The following SPATA6 variants were observed in gnomAD, a reference collection of about 807,000 sequenced individuals.
SPATA6 encodes the protein spermatogenesis associated 6, also known as spermatogenesis-associated protein 6.
Under a neutral mutation model 65.3 loss-of-function variants are expected in SPATA6, and 56 were observed. The ratio of observed to expected loss-of-function variants is 0.86; its 90% CI spans 0.69 to 1.07. The LOEUF (loss-of-function observed/expected upper bound fraction) is 1.07. SPATA6 is among the 50% of genes least tolerant of loss of function. SPATA6 has a pLI of 0.00. For synonymous variants in SPATA6, 199 were observed against 213.2 expected (o/e 0.93, Z 0.58); for missense variants, 590 against 594.8 (o/e 0.99, Z 0.08).
chr1:48,436,951 C>A, intron 3 of SPATA6: 1 of 1,612,858 alleles, frequency 6.2e-7, no homozygotes, highest in East Asian at 2.2e-5. Context: ...AAATAGTGAC[C>A]GATTACACAC....
rs554991779 is a variant in SPATA6 at position 48,445,616 on chromosome 1, C to T, written c.238+5936G>A. Reference sequence around the variant, plus strand: ...CGGAGCTTGCAGTGAGCCGAGATCACGCCGCTGCACTCCAGACTGGGAGAG... The same window carrying T: ...CGGAGCTTGCAGTGAGCCGAGATCATGCCGCTGCACTCCAGACTGGGAGAG... On this transcript the variant is annotated intron_variant, in intron 3 of 12. Coordinates refer to ENST00000371847, the MANE Select transcript of SPATA6 (RefSeq NM_019073.4). Among the ~76,000 whole-genome samples, 33 of 140,576 alleles carry T rather than the reference C, an allele frequency of 2.3e-4. No homozygotes were observed. The South Asian group carries it at 3.1e-3, about 13-fold the overall frequency. The allele number at this position is 140,576 out of a possible 152,430, so 92.2% of individuals were successfully genotyped here. A position where few individuals can be genotyped will look rare whatever the true frequency, so the allele number is the denominator to read the frequency against.
At chr1:48,445,737 T>TATG (rs1292688611) in intron 3 of SPATA6, among the ~76,000 whole-genome samples, 52 of 146,772 alleles carry the variant, frequency 3.5e-4, no homozygotes, top group Non-Finnish European at 6.5e-4. Flanking sequence ...GTACATAGGC[T>TATG]ATGCCAACAG....
intron 3 of SPATA6, among the ~76,000 whole-genome samples, chr1:48,433,978 C>T (rs1375148813): frequency 1.3e-5 from 2 of 152,114 alleles, no homozygotes; most frequent in African/African-American, 2.4e-5. Flanking sequence ...CAGTAACATA[C>T]TGCAATATAA....
At chr1:48,372,023 A>G (rs1297398339) in intron 9 of SPATA6, among the ~76,000 whole-genome samples, 1 of 152,172 alleles carries the variant, frequency 6.6e-6, no homozygotes, top group East Asian at 1.9e-4. Context: ...ATTCAAGTTA[A>G]GATTTGGATG....
At chr1:48,266,989 T>C in the SPATA6 span, among the ~76,000 whole-genome samples, 1 of 152,140 alleles carries the variant, frequency 6.6e-6, no homozygotes, top group African/African-American at 2.4e-5. Context: ...ATATTTTCTT[T>C]AACCACAGAA....
rs756100267 is a variant in SPATA6 at position 48,359,607 on chromosome 1, T to C, written c.1073A>G (p.Asn358Ser). The change falls in exon 10 of 13, where the codon AAT becomes AGT. Residue 358 changes from asparagine (N) to serine (S), a missense_variant. By Grantham distance (46) the Asn-to-Ser change is conservative. Transcript: ENST00000371847. ...TTACCTTTCCCTGAGAGAAGCTCTA[T>C]TTAACACAGGGCTTGGAGAATGCTT... ...MPKHSPSPVLNRASLRERFHS... is the reference protein window; with the variant it reads ...MPKHSPSPVLSRASLRERFHS... 6.2e-7 allele frequency: 1 copy of C among 1,613,280 alleles called. No homozygotes were observed. The highest frequency in any genetic ancestry group is 8.5e-7 in the Non-Finnish European group (1 of 1,179,424).
At chr1:48,343,470 G>A (rs780533562) in intron 11 of SPATA6, among the ~76,000 whole-genome samples, 3 of 152,138 alleles carry the variant, frequency 2.0e-5, no homozygotes, top group Non-Finnish European at 4.4e-5. Flanking sequence ...AGGAGTAGAA[G>A]GACAGATAAG....
intron 3 of SPATA6, among the ~76,000 whole-genome samples, chr1:48,421,045 A>G (rs778287982): frequency 9.2e-5 from 14 of 152,156 alleles, no homozygotes; most frequent in Admixed American, 4.6e-4. Context: ...GGGTAGGTTA[A>G]GAGGAAGAGA....
chr1:48,323,424 G>C (rs1423083545), intron 11 of SPATA6, among the ~76,000 whole-genome samples: 1 of 151,730 alleles, frequency 6.6e-6, no homozygotes, highest in Non-Finnish European at 1.5e-5. Flanking sequence ...GTCGAGGGGT[G>C]GGGGGCTGGG....
At chr1:48,363,149 A>G (rs781631952) in intron 9 of SPATA6, among the ~76,000 whole-genome samples, 28 of 152,170 alleles carry the variant, frequency 1.8e-4, no homozygotes, top group Non-Finnish European at 2.8e-4. Flanking sequence ...TATGTTTTGT[A>G]AAGTCTTTTA....
rs763031568 is a variant in SPATA6 at position 48,395,323 on chromosome 1, A to G, written c.812T>C (p.Leu271Ser). The change falls in exon 8 of 13, where the codon TTA becomes TCA. Residue 271 changes from leucine (L) to serine (S), a missense_variant. By Grantham distance (145) the Leu-to-Ser change is moderately radical. Transcript: ENST00000371847. ...ACAGTCTCTTCCAGAAGATCCCAAT[A>G]AAGTATCAGCCCTGGGACTTGGGGG... is the stretch of plus-strand genomic sequence containing the variant. Reference protein sequence around the residue: ...VDPPSPRADTLLGSSGRDCER... With the variant: ...VDPPSPRADTSLGSSGRDCER... 2.5e-6 allele frequency: 4 copies of G among 1,569,548 alleles called. No homozygotes were observed. The highest frequency in any genetic ancestry group is 3.5e-6 in the Non-Finnish European group (4 of 1,155,456).
intron 5 of SPATA6, among the ~76,000 whole-genome samples, chr1:48,407,778 G>C (rs1570474241): frequency 1.3e-5 from 2 of 152,116 alleles, no homozygotes; most frequent in East Asian, 1.9e-4. Context: ...GCCATTCGTA[G>C]AAGTCCTAAT....
intron 3 of SPATA6, among the ~76,000 whole-genome samples, chr1:48,426,084 C>T (rs559080377): frequency 6.6e-6 from 1 of 152,216 alleles, no homozygotes; most frequent in South Asian, 2.1e-4. Context: ...ATATAACTGG[C>T]AAATGGCTTG....
intron 3 of SPATA6, among the ~76,000 whole-genome samples, chr1:48,439,912 T>C (rs1655307033): frequency 6.6e-6 from 1 of 152,206 alleles, no homozygotes; most frequent in African/African-American, 2.4e-5. Context: ...ATTAAAATAC[T>C]ATACTACAGT....
chr1:48,277,346 G>A, the SPATA6 span, among the ~76,000 whole-genome samples: 21 of 152,284 alleles, frequency 1.4e-4, no homozygotes, highest in East Asian at 7.7e-4. Context: ...TGGGTGCAGC[G>A]CACCATGCGT....
intron 6 of SPATA6, chr1:48,402,761 T>C (rs1021745858): frequency 2.0e-5 from 3 of 152,100 alleles, no homozygotes; most frequent in Non-Finnish European, 1.5e-5. Flanking sequence ...CTTTACATAT[T>C]ATTGGCTCTT....
intron 9 of SPATA6, among the ~76,000 whole-genome samples, chr1:48,366,799 G>T (rs1388598570): frequency 1.3e-5 from 2 of 152,008 alleles, no homozygotes; most frequent in African/African-American, 2.4e-5. Flanking sequence ...ATTTCCTTCA[G>T]TTCTGCTCTG....
the SPATA6 span, among the ~76,000 whole-genome samples, chr1:48,286,313 G>T: frequency 6.6e-6 from 1 of 151,854 alleles, no homozygotes; most frequent in South Asian, 2.1e-4. Context: ...CATAAACATA[G>T]GATGTCTATT....
chr1:48,299,309 T>C (rs1003801145), intron 12 of SPATA6, among the ~76,000 whole-genome samples: 1 of 150,176 alleles, frequency 6.7e-6, no homozygotes. Flanking sequence ...AGGTCGGGAG[T>C]TCGAGACTAG....
Sources: gnomAD v4.1 joint callset for allele counts (sites outside exome capture counted in the v4.1 genomes callset) on GRCh38, gnomAD v4.1.1 for gene constraint, MANE v1.5 for transcripts, NCBI Gene and HGNC (gene_info 2026-07-23, HGNC 2026-07-21) for gene names.